The following PTPRA variants were observed in gnomAD, a reference collection of about 807,000 sequenced individuals.
PTPRA encodes the protein receptor-type tyrosine-protein phosphatase alpha.
Under a neutral mutation model 104.8 loss-of-function variants are expected in PTPRA, and 25 were observed. The observed-to-expected ratio is 0.24, with a 90% CI of 0.17 to 0.33. PTPRA has a LOEUF of 0.33. Among genes scored for constraint, PTPRA ranks in the 10% least tolerant of loss-of-function variants. The probability of loss-of-function intolerance (pLI) is 1.00; values close to 1 mark genes in which losing one functional copy is unlikely to be tolerated. For synonymous variants in PTPRA, 323 were observed against 368.9 expected (o/e 0.88, Z 1.43); for missense variants, 765 against 1,015.3 (o/e 0.75, Z 3.35).
At chr20:2,984,500 T>A (rs981984634) in intron 6 of PTPRA, among the ~76,000 whole-genome samples, 7 of 152,224 alleles carry the variant, frequency 4.6e-5, no homozygotes, top group African/African-American at 1.7e-4. Flanking sequence ...CTTGAAAAAC[T>A]CTGCTCTTGG....
chr20:2,864,879 G>T, the PTPRA span: 1 of 1,532,716 alleles, frequency 6.5e-7, no homozygotes, highest in South Asian at 1.1e-5. The surrounding 1 kb of genome is among the most constrained non-coding windows in gnomAD (Gnocchi z 5.2). Flanking sequence ...TGACCCTGGC[G>T]ACCCTGGGCA....
intron 1 of PTPRA, among the ~76,000 whole-genome samples, chr20:2,913,506 A>G (rs2059794915): frequency 6.6e-6 from 1 of 152,174 alleles, no homozygotes; most frequent in Admixed American, 6.5e-5. Context: ...CACACATTGC[A>G]TTTAGTTGTC....
chr20:2,901,745 T>TA (rs2059246943), intron 1 of PTPRA, among the ~76,000 whole-genome samples: 1 of 152,170 alleles, frequency 6.6e-6, no homozygotes, highest in Admixed American at 6.5e-5. Context: ...AGAGTACTTC[T>TA]AGAGCATACA....
intron 13 of PTPRA, among the ~76,000 whole-genome samples, chr20:3,018,613 C>T: frequency 6.6e-6 from 1 of 151,820 alleles, no homozygotes; most frequent in Non-Finnish European, 1.5e-5. Flanking sequence ...AAAAGTCTCC[C>T]ATGTCTACTT....
chr20:3,001,515 A>T (rs2063625703), intron 9 of PTPRA, among the ~76,000 whole-genome samples: 1 of 152,232 alleles, frequency 6.6e-6, no homozygotes, highest in African/African-American at 2.4e-5. Context: ...TGCACAGGAA[A>T]ACTAGTGCCT....
intron 19 of PTPRA, 152 bp downstream of exon 19, chr20:3,027,349 C>T (rs1030541329): frequency 2.4e-6 from 2 of 817,286 alleles, no homozygotes; most frequent in African/African-American, 1.7e-5. Flanking sequence ...TCACCCTGTG[C>T]ATTAGGTCTG....
intron 1 of PTPRA, among the ~76,000 whole-genome samples, chr20:2,881,323 A>G (rs1356757997): frequency 6.6e-6 from 1 of 152,004 alleles, no homozygotes; most frequent in Non-Finnish European, 1.5e-5. Context: ...AAAAAAAAAA[A>G]GTATGTAAAA....
At chr20:3,018,975 A>G (rs376755934) in intron 13 of PTPRA, among the ~76,000 whole-genome samples, 8,797 of 100,872 alleles carry the variant, frequency 0.087, 775 homozygotes, top group East Asian at 0.25. Context: ...CTGGCCGGGC[A>G]GGGGGCTGAT....
At chr20:2,960,292 C>G (rs1170123250) in intron 3 of PTPRA, among the ~76,000 whole-genome samples, 4 of 151,176 alleles carry the variant, frequency 2.6e-5, no homozygotes, top group Non-Finnish European at 5.9e-5. Context: ...CTCTGTCCCC[C>G]AGGCCGGAGT....
At chr20:2,884,599 G>T (rs567282783) in intron 1 of PTPRA, among the ~76,000 whole-genome samples, 1 of 152,074 alleles carries the variant, frequency 6.6e-6, no homozygotes, top group South Asian at 2.1e-4. Flanking sequence ...CAGATACTTG[G>T]CTCATTTTAA....
intron 5 of PTPRA, among the ~76,000 whole-genome samples, chr20:2,969,357 C>T (rs1004480136): frequency 1.3e-5 from 2 of 151,650 alleles, no homozygotes; most frequent in Admixed American, 1.3e-4. Flanking sequence ...AAACAATTCT[C>T]CTGCCTCAGC....
chr20:3,022,954 A>G lies in PTPRA; in HGVS notation c.1464+130A>G, dbSNP rs539846902. 3.5e-6 allele frequency: 5 copies of G among 1,413,134 alleles called. No individual in the cohort carries two copies. Among genetic ancestry groups the G allele is most frequent in the Non-Finnish European group, 4.8e-6 (5 of 1,045,156 alleles). The allele number at this position is 1,413,134 out of a possible 1,614,324, so 87.5% of individuals were successfully genotyped here. ...TAGAGTGTGATTGTGGGGGAAAGAA[A>G]GATAGATCACACTGTTACCGTGTCT... On this transcript the variant is annotated intron_variant, in intron 16 of 23. Coordinates refer to ENST00000399903, the MANE Select transcript of PTPRA (RefSeq NM_001385305.1). The surrounding 1 kb of genome is among the most constrained non-coding windows in gnomAD (Gnocchi z 4.6).
intron 1 of PTPRA, among the ~76,000 whole-genome samples, chr20:2,892,075 A>C (rs1174479230): frequency 6.6e-6 from 1 of 151,996 alleles, no homozygotes; most frequent in East Asian, 1.9e-4. Flanking sequence ...GGATTGCCTG[A>C]GGTTAGGAGC....
the PTPRA span, chr20:2,864,596 A>G: frequency 6.2e-7 from 1 of 1,614,126 alleles, no homozygotes; most frequent in East Asian, 2.2e-5. The surrounding 1 kb of genome is among the most constrained non-coding windows in gnomAD (Gnocchi z 5.2). Context: ...TACAATCAGG[A>G]TGACAATCAC....
intron 1 of PTPRA, among the ~76,000 whole-genome samples, chr20:2,903,079 C>CA (rs1254614672): frequency 6.6e-6 from 1 of 152,130 alleles, no homozygotes; most frequent in Admixed American, 6.5e-5. Context: ...TGAAATGCTC[C>CA]AAAATCTGAA....
At chr20:3,006,405 T>C (rs903013071) in intron 10 of PTPRA, among the ~76,000 whole-genome samples, 1 of 152,018 alleles carries the variant, frequency 6.6e-6, no homozygotes, top group Non-Finnish European at 1.5e-5. Context: ...TCTCAAACTC[T>C]TGGCCTCAAG....
chr20:2,997,604 A>G (rs889909167), intron 9 of PTPRA, among the ~76,000 whole-genome samples: 3 of 152,206 alleles, frequency 2.0e-5, no homozygotes, highest in Admixed American at 1.3e-4. Flanking sequence ...GACAGGCTAA[A>G]AGGAGACTGT....
chr20:2,940,245 A>G (rs2060859667), intron 2 of PTPRA, among the ~76,000 whole-genome samples: 1 of 152,054 alleles, frequency 6.6e-6, no homozygotes, highest in South Asian at 2.1e-4. Context: ...TTTTTAACCT[A>G]TGTACGTAGT....
At chr20:2,982,192 G>A (rs1479246040) in intron 6 of PTPRA, among the ~76,000 whole-genome samples, 1 of 150,820 alleles carries the variant, frequency 6.6e-6, no homozygotes, top group Non-Finnish European at 1.5e-5. Flanking sequence ...CTGGGTACAA[G>A]CGATTCTCCT....
Sources: gnomAD v4.1 joint callset for allele counts (sites outside exome capture counted in the v4.1 genomes callset) on GRCh38, gnomAD v4.1.1 for gene constraint, Gnocchi (gnomAD v3.1) non-coding constraint, MANE v1.5 for transcripts, NCBI Gene and HGNC (gene_info 2026-07-23, HGNC 2026-07-21) for gene names.